The following SPEF2 variants were observed in gnomAD, a reference collection of about 807,000 sequenced individuals.
The protein encoded by SPEF2 is sperm flagella and cilia-associated protein 2.
A neutral mutation model predicts 224.6 loss-of-function variants in SPEF2; 187 were observed. That is an observed-to-expected ratio of 0.83 (90% CI 0.74 to 0.94). SPEF2 has a LOEUF of 0.94. Ranked by LOEUF, SPEF2 falls within the 40% of genes least tolerant of loss-of-function variation. The pLI, the probability that SPEF2 is intolerant of heterozygous loss-of-function variation, is 0.00. For missense variants in SPEF2, 2,170 were observed against 2,135.6 expected (o/e 1.02, Z -0.32); for synonymous variants, 715 against 707.3 (o/e 1.01, Z -0.17).
chr5:35,774,069 C>A, intron 28 of SPEF2, 48 bp downstream of exon 28: 1 of 1,591,538 alleles, frequency 6.3e-7, no homozygotes, highest in African/African-American at 1.3e-5. Context: ...GAAAGGAGAC[C>A]AGTAGCCAAA....
chr5:35,718,134 A>C (rs1024027464), intron 20 of SPEF2, among the ~76,000 whole-genome samples: 1 of 152,166 alleles, frequency 6.6e-6, no homozygotes, highest in Admixed American at 6.5e-5. Context: ...CAGTTTGCAC[A>C]GGGAGAGGTA....
intron 3 of SPEF2, chr5:35,643,643 T>A: frequency 2.3e-6 from 1 of 432,134 alleles, no homozygotes; most frequent in Non-Finnish European, 4.7e-6. Context: ...AGAGGTGATA[T>A]CATAGGAAAG....
At chr5:35,787,115 T>C (rs1755259032) in intron 30 of SPEF2, among the ~76,000 whole-genome samples, 1 of 152,148 alleles carries the variant, frequency 6.6e-6, no homozygotes, top group Admixed American at 6.5e-5. Flanking sequence ...TTTTTATCCT[T>C]CTGTTCAGAT....
intron 20 of SPEF2, among the ~76,000 whole-genome samples, chr5:35,720,562 T>A (rs1743453814): frequency 6.6e-6 from 1 of 152,216 alleles, no homozygotes; most frequent in African/African-American, 2.4e-5. Flanking sequence ...GATAGCAAAA[T>A]GTCCAGGGTA....
In SPEF2 at chr5:35,798,066, C is replaced by T. The variant is rs116730430; in HGVS notation, c.4831-1902C>T. 9.5e-3 allele frequency among the ~76,000 whole-genome samples: 1,442 copies of T among 152,254 alleles called. 10 individuals carry two copies. The highest frequency in any genetic ancestry group is 0.015 in the Non-Finnish European group (994 of 68,014). On this transcript the variant is annotated intron_variant, in intron 33 of 36. Transcript: ENST00000356031. Reference sequence around the variant, plus strand: ...CAAAACGCGTAAATCCCGAATGAGACCACTTCTTCCCAGCCCTATTGCCAT... The same window carrying T: ...CAAAACGCGTAAATCCCGAATGAGATCACTTCTTCCCAGCCCTATTGCCAT...
At chr5:35,789,695 G>C in intron 30 of SPEF2, 1 of 642,866 alleles carries the variant, frequency 1.6e-6, no homozygotes, top group Non-Finnish European at 2.8e-6. Flanking sequence ...GGCCCACAAA[G>C]ATAAATCAAG....
In SPEF2 at chr5:35,793,462, G is replaced by A. The variant is rs977156690; in HGVS notation, c.4737+121G>A. On this transcript the variant is annotated intron_variant, in intron 32 of 36. Coordinates refer to ENST00000356031, the MANE Select transcript of SPEF2 (RefSeq NM_024867.4). ...AGTGCATTGCTTCTCAGCTCCCCAT[G>A]TCTAGGCACCCAGAGGCAGCACAGG... The A allele has an allele frequency of 1.0e-5, 10 of 961,616 alleles. No individual in the cohort carries two copies. In the African/African-American group the frequency reaches 1.5e-4, roughly 15 times the overall value. The allele number at this position is 961,616 out of a possible 1,614,324, so 59.6% of individuals were successfully genotyped here. A position where few individuals can be genotyped will look rare whatever the true frequency, so the allele number is the denominator to read the frequency against.
intron 32 of SPEF2, among the ~76,000 whole-genome samples, chr5:35,793,763 C>T (rs373882232): frequency 8.0e-6 from 1 of 125,482 alleles, no homozygotes; most frequent in Non-Finnish European, 1.9e-5. Flanking sequence ...CACACACACA[C>T]ACACAGGGAA....
intron 30 of SPEF2, chr5:35,789,806 G>A (rs1454270226): frequency 1.4e-6 from 1 of 702,222 alleles, no homozygotes; most frequent in African/African-American, 1.7e-5. Flanking sequence ...TATAGAATTT[G>A]GAGAAAAAGA....
At chr5:35,645,836 A>T (rs919730221) in intron 4 of SPEF2, among the ~76,000 whole-genome samples, 16 of 152,208 alleles carry the variant, frequency 1.1e-4, no homozygotes, top group African/African-American at 3.9e-4. Context: ...AAAGATAAAC[A>T]TATTGCAATT....
intron 34 of SPEF2, among the ~76,000 whole-genome samples, 166 bp from the exon 35 acceptor site, chr5:35,806,541 A>G (rs1758084999): frequency 6.6e-6 from 1 of 152,178 alleles, no homozygotes; most frequent in Admixed American, 6.5e-5. Flanking sequence ...TGACATTGTA[A>G]TTTTCAAGGC....
intron 32 of SPEF2, 132 bp from the exon 33 acceptor site, chr5:35,795,571 C>G: frequency 1.6e-6 from 1 of 611,390 alleles, no homozygotes; most frequent in East Asian, 2.8e-5. Flanking sequence ...TCTCCTACAC[C>G]CCTGTGGTTT....
At chr5:35,811,360 G>T (rs766296467) in intron 36 of SPEF2, among the ~76,000 whole-genome samples, 13 of 152,286 alleles carry the variant, frequency 8.5e-5, no homozygotes, top group South Asian at 2.1e-4. Context: ...AGTGAAGGTT[G>T]TTGCCTAACA....
Position 35,670,237 on chromosome 5 carries a change from G to A in SPEF2, c.1524+10G>A. On this transcript the variant is annotated intron_variant, in intron 10 of 36. Coordinates refer to ENST00000356031, the MANE Select transcript of SPEF2 (RefSeq NM_024867.4). Reference sequence around the variant, plus strand: ...TTATGAAGAATATAAGGTACCTACTGATATGAAATAATTAGAATGCTACAT... The same window carrying A: ...TTATGAAGAATATAAGGTACCTACTAATATGAAATAATTAGAATGCTACAT... The A allele has an allele frequency of 6.3e-7, 1 of 1,580,356 alleles. No homozygotes were observed. Among genetic ancestry groups the A allele is most frequent in the Non-Finnish European group, 8.6e-7 (1 of 1,167,098 alleles).
chr5:35,704,465 C>A, intron 16 of SPEF2, 89 bp from the exon 17 acceptor site: 1 of 737,238 alleles, frequency 1.4e-6, no homozygotes, highest in South Asian at 1.8e-5. Context: ...AGGACCGTAT[C>A]TGTTTGGCAT....
intron 14 of SPEF2, among the ~76,000 whole-genome samples, 158 bp downstream of exon 14, chr5:35,695,954 A>T (rs1755252475): frequency 6.6e-6 from 1 of 152,228 alleles, no homozygotes. Context: ...GACTTTACTT[A>T]GCATTCTTTG....
chr5:35,658,589 T>A (rs976713238), intron 7 of SPEF2, among the ~76,000 whole-genome samples: 7 of 152,346 alleles, frequency 4.6e-5, no homozygotes, highest in African/African-American at 1.4e-4. Flanking sequence ...CACTTATTTT[T>A]TTTTTAACTT....
intron 19 of SPEF2, 71 bp from the exon 20 acceptor site, chr5:35,712,741 T>G: frequency 1.4e-6 from 2 of 1,470,894 alleles, no homozygotes; most frequent in Non-Finnish European, 1.9e-6. Context: ...AGCATTAGCT[T>G]GCTTACAATC....
intron 36 of SPEF2, among the ~76,000 whole-genome samples, chr5:35,809,873 G>A (rs1758428823): frequency 6.6e-6 from 1 of 151,984 alleles, no homozygotes; most frequent in African/African-American, 2.4e-5. Context: ...CACATATCAG[G>A]GAACAGCTCT....
Sources: gnomAD v4.1 joint callset for allele counts (sites outside exome capture counted in the v4.1 genomes callset) on GRCh38, gnomAD v4.1.1 for gene constraint, MANE v1.5 for transcripts, NCBI Gene and HGNC (gene_info 2026-07-23, HGNC 2026-07-21) for gene names.